Variants in UBASH3A observed in about 807,000 individuals in gnomAD.
UBASH3A encodes the protein ubiquitin associated and SH3 domain containing A.
Under a neutral mutation model 73.5 loss-of-function variants are expected in UBASH3A, and 63 were observed. That is an observed-to-expected ratio of 0.86 (90% CI 0.70 to 1.06). The LOEUF is 1.06. Among genes scored for constraint, UBASH3A ranks in the 50% least tolerant of loss-of-function variants. The probability of loss-of-function intolerance (pLI) is 0.00; values close to 1 mark genes in which losing one functional copy is unlikely to be tolerated. For missense variants in UBASH3A, 860 were observed against 859.0 expected (o/e 1.00, Z -0.02); for synonymous variants, 363 against 351.1 (o/e 1.03, Z -0.38).
chr21:42,429,216 A>G (rs953202047), intron 8 of UBASH3A, among the ~76,000 whole-genome samples: 1 of 152,204 alleles, frequency 6.6e-6, no homozygotes, highest in Non-Finnish European at 1.5e-5. Context: ...CAGAGGGAGC[A>G]TGGCCCTGCC....
chr21:42,410,906 T>G (rs1190193373), intron 3 of UBASH3A, among the ~76,000 whole-genome samples: 1 of 144,918 alleles, frequency 6.9e-6, no homozygotes, highest in Non-Finnish European at 1.5e-5. Flanking sequence ...CAGACATACA[T>G]AGATATAGAC....
At chr21:42,438,446 C>T (rs1033630684) in intron 11 of UBASH3A, among the ~76,000 whole-genome samples, 3 of 152,158 alleles carry the variant, frequency 2.0e-5, no homozygotes, top group Admixed American at 1.3e-4. Context: ...TGCAGAGTGA[C>T]CGCTGGGCAG....
chr21:42,431,821 A>C (rs2053537176), intron 8 of UBASH3A, among the ~76,000 whole-genome samples: 1 of 152,256 alleles, frequency 6.6e-6, no homozygotes, highest in Admixed American at 6.5e-5. Flanking sequence ...AAAGACAGAA[A>C]AGTAGAAAAA....
intron 11 of UBASH3A, among the ~76,000 whole-genome samples, chr21:42,438,465 G>A (rs1364595482): frequency 1.3e-5 from 2 of 152,180 alleles, no homozygotes; most frequent in Non-Finnish European, 2.9e-5. Flanking sequence ...AGCACTCAGA[G>A]CCCACCCACA....
At chr21:42,427,057 T>C (rs1483740037) in intron 8 of UBASH3A, among the ~76,000 whole-genome samples, 1 of 152,128 alleles carries the variant, frequency 6.6e-6, no homozygotes, top group Non-Finnish European at 1.5e-5. Flanking sequence ...TGCCCCACCT[T>C]GAGCTCCTCA....
At chr21:42,444,118 C>G (rs1386427604) in intron 13 of UBASH3A, among the ~76,000 whole-genome samples, 1 of 152,228 alleles carries the variant, frequency 6.6e-6, no homozygotes, top group East Asian at 1.9e-4. Flanking sequence ...ACCCACTCGG[C>G]CTGTGGTCTC....
chr21:42,410,852 C>T (rs898282779), intron 3 of UBASH3A, among the ~76,000 whole-genome samples: 4 of 151,982 alleles, frequency 2.6e-5, no homozygotes, highest in African/African-American at 4.8e-5. Flanking sequence ...CAGATTGACA[C>T]AGAGACTTAC....
intron 7 of UBASH3A, 34 bp downstream of exon 7, chr21:42,418,643 T>A: frequency 6.3e-7 from 1 of 1,586,360 alleles, no homozygotes; most frequent in Non-Finnish European, 8.6e-7. Context: ...CCCCGTCATC[T>A]CTCTCTGAGT....
chr21:42,434,726 C>G, intron 9 of UBASH3A, 106 bp from the exon 10 acceptor site: 1 of 1,272,650 alleles, frequency 7.9e-7, no homozygotes, highest in African/African-American at 1.5e-5. Context: ...ACAATAATTT[C>G]AATAATAACA....
At chr21:42,443,183 T>A in intron 12 of UBASH3A, 129 bp from the exon 13 acceptor site, 1 of 1,408,976 alleles carries the variant, frequency 7.1e-7, no homozygotes, top group South Asian at 1.6e-5. Context: ...GCCTGCCTGT[T>A]GACCATGAGC....
At chr21:42,432,272 T>C in intron 9 of UBASH3A, 70 bp downstream of exon 9, 2 of 1,005,354 alleles carry the variant, frequency 2.0e-6, no homozygotes, top group South Asian at 2.8e-5. Flanking sequence ...TCCTTCTTAA[T>C]GACCTTACAT....
At chr21:42,435,702 G>A (rs2053613930) in intron 10 of UBASH3A, among the ~76,000 whole-genome samples, 1 of 151,696 alleles carries the variant, frequency 6.6e-6, no homozygotes, top group African/African-American at 2.4e-5. Context: ...AGTTGTTATA[G>A]AGTTATAGAA....
chr21:42,438,056 G>A (rs1162637318), intron 11 of UBASH3A, among the ~76,000 whole-genome samples: 1 of 152,220 alleles, frequency 6.6e-6, no homozygotes, highest in Non-Finnish European at 1.5e-5. Flanking sequence ...TCTACGGGAA[G>A]AAGAAAGTTC....
chr21:42,405,606 T>C (rs371730803), intron 1 of UBASH3A, among the ~76,000 whole-genome samples: 1 of 152,332 alleles, frequency 6.6e-6, no homozygotes, highest in Non-Finnish European at 1.5e-5. Context: ...TTCGGCATCA[T>C]GTGGTGGGTT....
Position 42,446,422 on chromosome 21 carries a change from G to A in UBASH3A, c.1849-635G>A, listed in dbSNP as rs988862851. Among the ~76,000 whole-genome samples the A allele has an allele frequency of 9.9e-5, 15 of 152,140 alleles. 1 individual carries two copies. Among genetic ancestry groups the A allele is most frequent in the Admixed American group, 5.9e-4 (9 of 15,278 alleles). ...AAGCGTGAGGAAAGAATCACCCTAGGGTCAACACCAGCCTCACTCAGACCC... is the reference window on the plus strand; with the variant it reads ...AAGCGTGAGGAAAGAATCACCCTAGAGTCAACACCAGCCTCACTCAGACCC... On this transcript the variant is annotated intron_variant, in intron 14 of 14. Coordinates refer to ENST00000319294, the MANE Select transcript of UBASH3A (RefSeq NM_018961.4).
rs757982575 is a variant in UBASH3A, at chr21:42,432,181, C to T, written c.1249C>T (p.Gln417Ter). Reference protein sequence around the residue: ...VDQIFGKAWLQQCSTPDGKYY... With the variant: ...VDQIFGKAWL The stretch of plus-strand genomic sequence containing the variant: ...TCAGATCTTCGGGAAGGCATGGCTG[C>T]AGCAATGCTCCACTCCTGATGGTAG... The change falls in exon 9 of 15, where the codon CAG becomes TAG. Residue 417 changes from glutamine to a stop codon, truncating the protein, a stop_gained. Transcript: ENST00000319294. LOFTEE classifies it high-confidence loss of function. The T allele has an allele frequency of 1.4e-5, 23 of 1,612,932 alleles. No homozygotes were observed. Among genetic ancestry groups the T allele is most frequent in the Non-Finnish European group, 2.0e-5 (23 of 1,179,270 alleles).
chr21:42,409,471 G>T lies in UBASH3A; in HGVS notation c.217G>T (p.Glu73Ter), dbSNP rs1236613125. ...TTCCCTAGACGACCCCATCCCCCAG[G>T]AGTATGCCCTTTTCCTCTGTCCAAC... ...DPSLDDPIPQ[E>*]YALFLCPTGP... Residue 73 changes from glutamate (E) to a stop codon, truncating the protein, a stop_gained, in exon 3 of 15, where the codon GAG becomes TAG. Coordinates refer to ENST00000319294, the MANE Select transcript of UBASH3A (RefSeq NM_018961.4). LOFTEE classifies it high-confidence loss of function. 1.2e-6 allele frequency: 2 copies of T among 1,613,830 alleles called. No individual in the cohort carries two copies. The highest frequency in any genetic ancestry group is 1.7e-6 in the Non-Finnish European group (2 of 1,179,966).
chr21:42,426,508 A>G (rs2053438218), intron 7 of UBASH3A, among the ~76,000 whole-genome samples, 189 bp from the exon 8 acceptor site: 2 of 152,250 alleles, frequency 1.3e-5, no homozygotes, highest in South Asian at 4.1e-4. Flanking sequence ...ATTGTAATAA[A>G]ACAAACACAT....
chr21:42,438,307 C>T (rs2053664473), intron 11 of UBASH3A, among the ~76,000 whole-genome samples: 1 of 152,086 alleles, frequency 6.6e-6, no homozygotes, highest in Non-Finnish European at 1.5e-5. Flanking sequence ...GGGCTTGCCT[C>T]GACTTTCTCA....
Sources: allele counts gnomAD v4.1 joint callset (sites outside exome capture counted in the v4.1 genomes callset), GRCh38; gene constraint gnomAD v4.1.1; transcripts MANE v1.5; gene names NCBI Gene and HGNC (gene_info 2026-07-23, HGNC 2026-07-21).